CMYA5: variants seen among roughly 807,000 people sequenced by gnomAD.
CMYA5 encodes cardiomyopathy associated 5.
In CMYA5, 246 loss-of-function variants were observed where a neutral mutation model predicts 318.9. The observed-to-expected ratio is 0.77, with a 90% CI of 0.70 to 0.86. The LOEUF is 0.86. Among genes scored for constraint, CMYA5 ranks in the 40% least tolerant of loss-of-function variants. The pLI, the probability that CMYA5 is intolerant of heterozygous loss-of-function variation, is 0.00. For missense variants in CMYA5, 4,589 were observed against 4,678.2 expected (o/e 0.98, Z 0.56); for synonymous variants, 1,641 against 1,729.5 (o/e 0.95, Z 1.27).
Position 79,730,920 on chromosome 5 carries a change from T to C in CMYA5, c.2155T>C (p.Ser719Pro), listed in dbSNP as rs754240218. Residue 719 changes from serine to proline, a missense_variant, in exon 2 of 13, where the codon TCC (serine) becomes CCC (proline). Physicochemically the swap from Ser to Pro is moderately conservative, Grantham distance 74. Around this residue, in one of 3 missense-constraint regions of CMYA5, gnomAD observed 2,132 missense variants for 2,131.3 expected, o/e 1.00. Coordinates refer to ENST00000446378, the MANE Select transcript of CMYA5 (RefSeq NM_153610.5). Reference protein sequence around the residue: ...ESLKKTIDRKSPLILKGVSEY... With the variant: ...ESLKKTIDRKPPLILKGVSEY... ...ACTGAAGAAAACAATTGACCGTAAG[T>C]CCCCGTTAATATTGAAAGGTGTTTC... is the stretch of plus-strand genomic sequence containing the variant. The C allele has an allele frequency of 8.7e-6, 14 of 1,613,816 alleles. No homozygotes were observed. In the Admixed American group the frequency reaches 1.3e-4, roughly 15 times the overall value.
At chr5:79,777,345 G>A (rs1050864390) in intron 9 of CMYA5, among the ~76,000 whole-genome samples, 6 of 152,066 alleles carry the variant, frequency 3.9e-5, no homozygotes, top group African/African-American at 9.7e-5. Context: ...GATAGTCTGT[G>A]CACATACAAA....
chr5:79,736,252 T>C lies in CMYA5; in HGVS notation c.7487T>C (p.Ile2496Thr), dbSNP rs1828063562. ...AGTAATGAAATAGGGAAGACACAAA[T>C]TACACTTGGATCTAGATCTACTGAA... ...RDSNEIGKTQ[I>T]TLGSRSTELK... The change falls in exon 2 of 13, where the codon ATT becomes ACT. Residue 2496 changes from isoleucine to threonine, a missense_variant. By Grantham distance (89) the Ile-to-Thr change is moderately conservative. Around this residue, in one of 3 missense-constraint regions of CMYA5, gnomAD observed 2,431 missense variants for 2,495.1 expected, o/e 0.97. Coordinates refer to ENST00000446378, the MANE Select transcript of CMYA5 (RefSeq NM_153610.5). 3.1e-6 allele frequency: 5 copies of C among 1,613,226 alleles called. No individual in the cohort carries two copies. The South Asian group carries it at 5.5e-5, about 18-fold the overall frequency.
Position 79,763,134 on chromosome 5 carries a change from C to G in CMYA5, c.11480C>G (p.Pro3827Arg). ...CWNTATIRWRPTTPEATETYT... is the reference protein window; with the variant it reads ...CWNTATIRWRRTTPEATETYT... The stretch of plus-strand genomic sequence containing the variant: ...AACACAGCCACTATCCGATGGCGGC[C>G]CACCACCCCAGAGGCCACGGAGACC... Residue 3827 changes from proline (P) to arginine (R), a missense_variant, in exon 9 of 13, where the codon CCC (proline) becomes CGC (arginine). By Grantham distance (103) the Pro-to-Arg change is moderately radical. Around this residue, in one of 3 missense-constraint regions of CMYA5, gnomAD observed 2,431 missense variants for 2,495.1 expected, o/e 0.97. Coordinates refer to ENST00000446378, the MANE Select transcript of CMYA5 (RefSeq NM_153610.5). 1 of 1,577,988 alleles carries G rather than the reference C, an allele frequency of 6.3e-7. No homozygotes were observed. The highest frequency in any genetic ancestry group is 8.6e-7 in the Non-Finnish European group (1 of 1,162,776).
intron 1 of CMYA5, among the ~76,000 whole-genome samples, chr5:79,698,984 C>T (rs1285610431): frequency 1.3e-5 from 2 of 152,050 alleles, no homozygotes; most frequent in Non-Finnish European, 2.9e-5. Context: ...ACGGTGAAAC[C>T]CCATGTCTAC....
rs1240271256 is a variant in CMYA5 at position 79,734,206 on chromosome 5, C to T, written c.5441C>T (p.Pro1814Leu). 3.7e-6 allele frequency: 6 copies of T among 1,613,792 alleles called. No homozygotes were observed. The highest frequency in any genetic ancestry group is 5.1e-6 in the Non-Finnish European group (6 of 1,179,802). ...QSITEPSKIA[P>L]SDLLVEQKKT... ...ATAACAGAACCATCAAAGATTGCTC[C>T]TTCTGACCTCCTTGTAGAACAAAAA... Residue 1814 changes from proline to leucine, a missense_variant, in exon 2 of 13, where the codon CCT becomes CTT. Pro to Leu is a moderately conservative substitution (Grantham distance 98, BLOSUM62 -3). This residue lies in a region of CMYA5 where 2,132 missense variants were observed against 2,131.3 expected (regional missense o/e 1.00). Transcript: ENST00000446378.
intron 1 of CMYA5, among the ~76,000 whole-genome samples, chr5:79,697,219 C>T (rs1265691487): frequency 6.6e-6 from 1 of 152,170 alleles, no homozygotes; most frequent in African/African-American, 2.4e-5. Flanking sequence ...TACAATGAAT[C>T]AGACCTAGGA....
intron 12 of CMYA5, among the ~76,000 whole-genome samples, 196 bp from the exon 13 acceptor site, chr5:79,799,174 A>G (rs901750164): frequency 2.0e-5 from 3 of 152,208 alleles, no homozygotes; most frequent in African/African-American, 4.8e-5. Flanking sequence ...ATTATTAAAC[A>G]TGCTCATCTG....
Position 79,729,674 on chromosome 5 carries a change from G to C in CMYA5, c.909G>C (p.Trp303Cys). 1.2e-6 allele frequency: 2 copies of C among 1,613,618 alleles called. No homozygotes were observed. The highest frequency in any genetic ancestry group is 1.7e-6 in the Non-Finnish European group (2 of 1,179,808). ...EDKVKEVFPP[W>C]RGALSKGSES... Reference sequence around the variant, plus strand: ...AAGTAAAAGAGGTTTTTCCACCCTGGAGAGGCGCACTCTCCAAAGGATCAG... The same window carrying C: ...AAGTAAAAGAGGTTTTTCCACCCTGCAGAGGCGCACTCTCCAAAGGATCAG... The change falls in exon 2 of 13, where the codon TGG becomes TGC. Residue 303 changes from tryptophan to cysteine, a missense_variant. By Grantham distance (215) the Trp-to-Cys change is radical. Around this residue, in one of 3 missense-constraint regions of CMYA5, gnomAD observed 2,132 missense variants for 2,131.3 expected, o/e 1.00. Transcript: ENST00000446378.
Position 79,730,099 on chromosome 5 carries a change from C to T in CMYA5, c.1334C>T (p.Ala445Val), listed in dbSNP as rs1396648277. The T allele has an allele frequency of 1.4e-5, 23 of 1,613,756 alleles. No individual in the cohort carries two copies. Among genetic ancestry groups the T allele is most frequent in the Non-Finnish European group, 1.9e-5 (23 of 1,179,882 alleles). The change falls in exon 2 of 13, where the codon GCA becomes GTA. Residue 445 changes from alanine (A) to valine (V), a missense_variant. Around this residue, in one of 3 missense-constraint regions of CMYA5, gnomAD observed 2,132 missense variants for 2,131.3 expected, o/e 1.00. Coordinates refer to ENST00000446378, the MANE Select transcript of CMYA5 (RefSeq NM_153610.5). ...SLEAASPGLA[A>V]STQDGLDPDQ... ...GAGGCAGCGTCACCAGGTCTGGCAG[C>T]ATCTACCCAGGATGGTTTGGACCCA...
rs766402247 is a variant in CMYA5, at chr5:79,763,085, G to A, written c.11431G>A (p.Ala3811Thr). Residue 3811 changes from alanine to threonine, a missense_variant, in exon 9 of 13, where the codon GCT becomes ACT. Physicochemically the swap from Ala to Thr is moderately conservative, Grantham distance 58. Around this residue, in one of 3 missense-constraint regions of CMYA5, gnomAD observed 2,431 missense variants for 2,495.1 expected, o/e 0.97. Coordinates refer to ENST00000446378, the MANE Select transcript of CMYA5 (RefSeq NM_153610.5). Reference sequence around the variant, plus strand: ...AGCACCCTCCACCCCTGTGATCCGCGCTGAGGACTGTACTGTGTGTTGGAA... The same window carrying A: ...AGCACCCTCCACCCCTGTGATCCGCACTGAGGACTGTACTGTGTGTTGGAA... ...RTAPSTPVIR[A>T]EDCTVCWNTA... 2.2e-5 allele frequency: 35 copies of A among 1,613,672 alleles called. No homozygotes were observed. Among genetic ancestry groups the A allele is most frequent in the African/African-American group, 5.3e-5 (4 of 74,878 alleles).
At chr5:79,774,948 G>A (rs556370225) in intron 9 of CMYA5, among the ~76,000 whole-genome samples, 1 of 152,308 alleles carries the variant, frequency 6.6e-6, no homozygotes, top group African/African-American at 2.4e-5. Flanking sequence ...TGACTGACCA[G>A]TGGTCAACAG....
At position 79,799,839 on chromosome 5, in the gene CMYA5, AGT is replaced by A; in HGVS notation, c.*224_*225del. 1 of 378,718 alleles carries A rather than the reference AGT, an allele frequency of 2.6e-6. No individual in the cohort carries two copies. The highest frequency in any genetic ancestry group is 4.4e-5 in the South Asian group (1 of 22,752). The allele number at this position is 378,718 out of a possible 1,614,324, so 23.5% of individuals were successfully genotyped here. The stretch of plus-strand genomic sequence containing the variant: ...ATGAAAACAACAACCTCCACTCTTT[AGT>A]TTATATAAGTTTGAGTTCTTTCCTA... On this transcript the variant is annotated 3_prime_UTR_variant, in exon 13 of 13. Transcript: ENST00000446378.
chr5:79,798,156 C>T (rs567019707), intron 12 of CMYA5, among the ~76,000 whole-genome samples: 9 of 152,192 alleles, frequency 5.9e-5, no homozygotes, highest in Admixed American at 2.6e-4. Context: ...CTTCTTTCTG[C>T]AATGAAGTTG....
In CMYA5 at chr5:79,731,548, C is replaced by T. The variant is rs767509570; in HGVS notation, c.2783C>T (p.Ala928Val). ...CATAGATCTCTAAATCTAAAAGGTG[C>T]ATCCTCACCCATGAATTTATCAGAA... ...IVHRSLNLKGASSPMNLSEED... is the reference protein window; with the variant it reads ...IVHRSLNLKGVSSPMNLSEED... Residue 928 changes from alanine to valine, a missense_variant, in exon 2 of 13, where the codon GCA (alanine) becomes GTA (valine). Coordinates refer to ENST00000446378, the MANE Select transcript of CMYA5 (RefSeq NM_153610.5). The T allele has an allele frequency of 3.4e-5, 54 of 1,606,086 alleles. No individual in the cohort carries two copies. The African/African-American group carries it at 6.8e-4, about 20-fold the overall frequency.
chr5:79,725,169 T>G (rs564548710), intron 1 of CMYA5, among the ~76,000 whole-genome samples: 2 of 152,212 alleles, frequency 1.3e-5, no homozygotes, highest in Non-Finnish European at 2.9e-5. Flanking sequence ...TGTACACTTA[T>G]GTTCATTGCA....
At position 79,790,973 on chromosome 5, in the gene CMYA5, C is replaced by A. The variant is rs776513725; in HGVS notation, c.11693C>A (p.Thr3898Asn). The A allele has an allele frequency of 3.1e-6, 5 of 1,611,210 alleles. No homozygotes were observed. The African/African-American group carries it at 4.0e-5, about 13-fold the overall frequency. Residue 3898 changes from threonine (T) to asparagine (N), a missense_variant, in exon 11 of 13, where the codon ACC (threonine) becomes AAC (asparagine). Coordinates refer to ENST00000446378, the MANE Select transcript of CMYA5 (RefSeq NM_153610.5). Reference protein sequence around the residue: ...SEAALISTRGTRFLLLRETAH... With the variant: ...SEAALISTRGNRFLLLRETAH... ...ACTATTTTCTCACCTGCAATAGGAA[C>A]CAGATTTCTCTTGTTGAGAGAAACA...
At chr5:79,767,761 GAGA>G (rs1243342061) in intron 9 of CMYA5, among the ~76,000 whole-genome samples, 15 of 152,332 alleles carry the variant, frequency 9.8e-5, no homozygotes, top group Admixed American at 3.9e-4. Flanking sequence ...ATGTGGTGCT[GAGA>G]AGAATGTATA....
intron 1 of CMYA5, among the ~76,000 whole-genome samples, chr5:79,698,204 CTCT>C (rs956156985): frequency 1.3e-5 from 2 of 152,056 alleles, no homozygotes; most frequent in African/African-American, 4.8e-5. Flanking sequence ...CTGACTTCGG[CTCT>C]TCTTAGAATT....
intron 5 of CMYA5, among the ~76,000 whole-genome samples, chr5:79,749,997 A>G (rs1300485170): frequency 1.4e-5 from 2 of 140,896 alleles, no homozygotes; most frequent in Admixed American, 6.8e-5. Flanking sequence ...GTGATCTCCT[A>G]AGGTTTTTGC....
Sources: gnomAD v4.1 joint callset for allele counts (sites outside exome capture counted in the v4.1 genomes callset) on GRCh38, gnomAD v4.1.1 for gene constraint, gnomAD v4.1.1 regional missense constraint, MANE v1.5 for transcripts, NCBI Gene and HGNC (gene_info 2026-07-23, HGNC 2026-07-21) for gene names.